The following UNC79 variants were observed in gnomAD, a reference collection of about 807,000 sequenced individuals.
UNC79 encodes unc-79 subunit of NALCN channel complex, also known as protein unc-79 homolog.
Under a neutral mutation model 283.1 loss-of-function variants are expected in UNC79, and 37 were observed. That is an observed-to-expected ratio of 0.13 (90% confidence interval 0.10 to 0.17). UNC79 has a LOEUF of 0.17. Among genes scored for constraint, UNC79 ranks in the 10% least tolerant of loss-of-function variants. The pLI is 1.00. For missense variants in UNC79, 2,272 were observed against 3,211.1 expected (o/e 0.71, Z 7.07); for synonymous variants, 1,107 against 1,200.2 (o/e 0.92, Z 1.61).
rs1033877457 is a variant in UNC79 at position 93,543,076 on chromosome 14, A to T, written c.1755+380A>T. ...AGTAGCCGGGAAGCTAAATATTTTT[A>T]TTAAGAAACAACAACAAAAAAGCCT... On this transcript the variant is annotated intron_variant, in intron 14 of 48. Coordinates refer to ENST00000555664, the Ensembl canonical transcript of UNC79. 8.0e-5 allele frequency among the ~76,000 whole-genome samples: 12 copies of T among 150,438 alleles called. No homozygotes were observed. The East Asian group carries it at 2.4e-3, about 30-fold the overall frequency.
upstream of UNC79, among the ~76,000 whole-genome samples, chr14:93,426,982 T>G (rs934056661): frequency 1.3e-5 from 2 of 152,174 alleles, no homozygotes; most frequent in African/African-American, 2.4e-5. Flanking sequence ...TCTGTTATTT[T>G]CCTCTGAAGA....
At chr14:93,521,612 C>G (rs1310550553) in intron 7 of UNC79, among the ~76,000 whole-genome samples, 3 of 151,738 alleles carry the variant, frequency 2.0e-5, no homozygotes, top group African/African-American at 7.2e-5. Flanking sequence ...GGATCACTGC[C>G]CTGTACTACT....
At chr14:93,660,561 A>ATGTGTGTG (rs1351937848) in intron 39 of UNC79, among the ~76,000 whole-genome samples, 4 of 83,222 alleles carry the variant, frequency 4.8e-5, no homozygotes, top group Non-Finnish European at 4.4e-5. Context: ...ATATATATAT[A>ATGTGTGTG]TATGTGTGTG....
chr14:93,518,151 T>A (rs2060159845), intron 7 of UNC79, among the ~76,000 whole-genome samples: 1 of 152,108 alleles, frequency 6.6e-6, no homozygotes, highest in Non-Finnish European at 1.5e-5. Context: ...CTCTTCTAAT[T>A]TCTGAAAGAG....
chr14:93,461,758 C>G (rs1452932726), intron 1 of UNC79, among the ~76,000 whole-genome samples: 2 of 152,106 alleles, frequency 1.3e-5, no homozygotes, highest in African/African-American at 2.4e-5. Flanking sequence ...GCTCACTACT[C>G]TGGACAAAAC....
At chr14:93,485,732 G>C (rs921015359) in intron 4 of UNC79, among the ~76,000 whole-genome samples, 1 of 152,126 alleles carries the variant, frequency 6.6e-6, no homozygotes, top group African/African-American at 2.4e-5. Flanking sequence ...AGCCAAACTA[G>C]TTTATCTCCC....
chr14:93,365,408 G>A (rs1335342483), intron 1 of UNC79, among the ~76,000 whole-genome samples: 1 of 142,294 alleles, frequency 7.0e-6, no homozygotes, highest in Non-Finnish European at 1.5e-5. Context: ...AAAAAAATGT[G>A]ATCAGACTAC....
intron 1 of UNC79, among the ~76,000 whole-genome samples, chr14:93,372,346 G>A (rs2054469906): frequency 6.6e-6 from 1 of 152,170 alleles, no homozygotes; most frequent in Admixed American, 6.5e-5. Context: ...TTTTGAATGT[G>A]AATGATTTAA....
At chr14:93,452,767 C>T (rs891768490) in intron 1 of UNC79, among the ~76,000 whole-genome samples, 1 of 152,154 alleles carries the variant, frequency 6.6e-6, no homozygotes, top group Admixed American at 6.5e-5. Flanking sequence ...ATAGCACCTA[C>T]CTCATAGAAT....
intron 19 of UNC79, among the ~76,000 whole-genome samples, chr14:93,581,714 G>C (rs527755481): frequency 2.6e-5 from 4 of 151,562 alleles, no homozygotes; most frequent in African/African-American, 9.7e-5. Context: ...GGCTGGTCTC[G>C]AATTCCCGAC....
chr14:93,687,949 G>A (rs2074378263), intron 43 of UNC79, among the ~76,000 whole-genome samples: 1 of 152,146 alleles, frequency 6.6e-6, no homozygotes, highest in Admixed American at 6.5e-5. Flanking sequence ...AGGATCAAGT[G>A]GCAAGTGGCT....
rs914829123 is a variant in UNC79 at position 93,688,059 on chromosome 14, G to A, written c.6910-606G>A. Among the ~76,000 whole-genome samples the A allele has an allele frequency of 3.9e-5, 6 of 152,138 alleles. No homozygotes were observed. The highest frequency in any genetic ancestry group is 3.3e-4 in the Admixed American group (5 of 15,276). Reference sequence around the variant, plus strand: ...TCCCACTGAGCTCACACTGAGCAAAGAAATCTTTCTAAATTAATTCAACAA... The same window carrying A: ...TCCCACTGAGCTCACACTGAGCAAAAAAATCTTTCTAAATTAATTCAACAA... On this transcript the variant is annotated intron_variant, in intron 43 of 48. Coordinates refer to ENST00000555664, the Ensembl canonical transcript of UNC79. The surrounding 1 kb of genome is among the most constrained non-coding windows in gnomAD (Gnocchi z 4.0).
At chr14:93,508,366 C>A (rs1478934031) in intron 7 of UNC79, among the ~76,000 whole-genome samples, 1 of 152,098 alleles carries the variant, frequency 6.6e-6, no homozygotes, top group African/African-American at 2.4e-5. Context: ...TTATTAAAAA[C>A]AGCAGCAGCA....
chr14:93,353,759 CA>C (rs2054024647), intron 1 of UNC79, among the ~76,000 whole-genome samples: 1 of 152,210 alleles, frequency 6.6e-6, no homozygotes, highest in African/African-American at 2.4e-5. Context: ...CACGTTTGGA[CA>C]CTTACTGTAC....
At chr14:93,519,633 T>C (rs1009460888) in intron 7 of UNC79, among the ~76,000 whole-genome samples, 3 of 151,840 alleles carry the variant, frequency 2.0e-5, no homozygotes, top group African/African-American at 7.2e-5. Context: ...TTCCTTTTTT[T>C]TCTTTTTGAT....
At position 93,688,942 on chromosome 14, in the gene UNC79, G is replaced by C. The variant is rs969277515; in HGVS notation, c.7085+102G>C. ...GTTAAGGAGTACACCGAAGATTTAT[G>C]ACAGTGGAATATACTTGGTTAGGAA... On this transcript the variant is annotated intron_variant, in intron 44 of 48. Coordinates refer to ENST00000555664, the Ensembl canonical transcript of UNC79. This position sits in a 1 kb window ranked among gnomAD's most constrained non-coding sequence, Gnocchi z 4.0. 4 of 1,294,624 alleles carry C rather than the reference G, an allele frequency of 3.1e-6. No individual in the cohort carries two copies. In the African/African-American group the frequency reaches 5.9e-5, roughly 19 times the overall value. The allele number at this position is 1,294,624 out of a possible 1,614,324, so 80.2% of individuals were successfully genotyped here.
intron 14 of UNC79, among the ~76,000 whole-genome samples, chr14:93,553,683 T>C (rs2062011800): frequency 6.6e-6 from 1 of 152,222 alleles, no homozygotes. Context: ...ATCAGAATCA[T>C]AGGAATCTCA....
At chr14:93,493,168 A>G (rs752589838) in intron 5 of UNC79, among the ~76,000 whole-genome samples, 1 of 152,154 alleles carries the variant, frequency 6.6e-6, no homozygotes, top group Non-Finnish European at 1.5e-5. Context: ...TGCAGGATGA[A>G]TAATGTGAAC....
At chr14:93,472,366 T>TA (rs2057554113) in intron 2 of UNC79, among the ~76,000 whole-genome samples, 1 of 152,082 alleles carries the variant, frequency 6.6e-6, no homozygotes, top group Non-Finnish European at 1.5e-5. Context: ...TTATAATAGA[T>TA]ACAGTCAGGT....
Sources: gnomAD v4.1 joint callset for allele counts (sites outside exome capture counted in the v4.1 genomes callset) on GRCh38, gnomAD v4.1.1 for gene constraint, Gnocchi (gnomAD v3.1) non-coding constraint, MANE v1.5 for transcripts, NCBI Gene and HGNC (gene_info 2026-07-23, HGNC 2026-07-21) for gene names.